The following KLHL38 variants were observed in gnomAD, a reference collection of about 807,000 sequenced individuals.
The protein encoded by KLHL38 is kelch like family member 38.
Under a neutral mutation model 39.6 loss-of-function variants are expected in KLHL38, and 38 were observed. The observed-to-expected ratio is 0.96, with a 90% CI of 0.74 to 1.26. The LOEUF (loss-of-function observed/expected upper bound fraction) is 1.26, where lower values mean the gene tolerates loss of function less well. KLHL38 is among the 50% of genes most tolerant of loss of function. The probability of loss-of-function intolerance (pLI) is 0.00; values close to 1 mark genes in which losing one functional copy is unlikely to be tolerated. For synonymous variants in KLHL38, 322 were observed against 302.2 expected, an observed-to-expected ratio of 1.07 and a Z score of -0.68; for missense variants, 803 against 748.1, an observed-to-expected ratio of 1.07 and a Z score of -0.86.
chr8:123,652,281 G>T lies in KLHL38; in HGVS notation c.646C>A (p.Gln216Lys). The T allele has an allele frequency of 6.2e-7, 1 of 1,614,060 alleles. No homozygotes were observed. Among genetic ancestry groups the T allele is most frequent in the Non-Finnish European group, 8.5e-7 (1 of 1,180,034 alleles). Residue 216 changes from glutamine (Q) to lysine (K), a missense_variant, in exon 2 of 4, where the codon CAG (glutamine) becomes AAG (lysine). Coordinates refer to ENST00000684634, the MANE Select transcript of KLHL38 (RefSeq NM_001081675.3). Reference sequence around the variant, plus strand: ...AGCCTGACCTGCTTGAACAGTTCCTGCATGTATCGCTTCCGGGCCTGGAGG... The same window carrying T: ...AGCCTGACCTGCTTGAACAGTTCCTTCATGTATCGCTTCCGGGCCTGGAGG... ...HDLQARKRYM[Q>K]ELFKQVRLQY...
intron 2 of KLHL38, among the ~76,000 whole-genome samples, chr8:123,647,662 T>G (rs1213082552): frequency 6.6e-6 from 1 of 152,226 alleles, no homozygotes; most frequent in African/African-American, 2.4e-5. Context: ...ATTAGTTCAT[T>G]ATGGGCAAAA....
At chr8:123,646,756 G>A (rs1818670610) in intron 3 of KLHL38, among the ~76,000 whole-genome samples, 153 bp downstream of exon 3, 2 of 152,204 alleles carry the variant, frequency 1.3e-5, no homozygotes, top group South Asian at 4.1e-4. Flanking sequence ...TGGATGAGGA[G>A]AGAGTTTTGT....
Position 123,645,724 on chromosome 8 carries a change from G to T in KLHL38, c.*15C>A. 1 of 1,611,232 alleles carries T rather than the reference G, an allele frequency of 6.2e-7. No homozygotes were observed. The highest frequency in any genetic ancestry group is 8.5e-7 in the Non-Finnish European group (1 of 1,177,776). Reference sequence around the variant, plus strand: ...AGAAGGCATTTTGACTAGGGCAGAAGGTTTCTTGTCGACCTCATGGGAGGC... The same window carrying T: ...AGAAGGCATTTTGACTAGGGCAGAATGTTTCTTGTCGACCTCATGGGAGGC... On this transcript the variant is annotated 3_prime_UTR_variant, in exon 4 of 4. Coordinates refer to ENST00000684634, the MANE Select transcript of KLHL38 (RefSeq NM_001081675.3).
chr8:123,652,998 T>A, intron 1 of KLHL38, 71 bp from the exon 2 acceptor site: 1 of 1,474,632 alleles, frequency 6.8e-7, no homozygotes, highest in East Asian at 2.3e-5. Flanking sequence ...TGCTGGAGGG[T>A]TCAGCTGTGG....
At position 123,645,887 on chromosome 8, in the gene KLHL38, G is replaced by T; in HGVS notation, c.1598C>A (p.Thr533Lys). 1.2e-6 allele frequency: 2 copies of T among 1,614,114 alleles called. No individual in the cohort carries two copies. The highest frequency in any genetic ancestry group is 1.7e-6 in the Non-Finnish European group (2 of 1,180,032). Residue 533 changes from threonine to lysine, a missense_variant, in exon 4 of 4, where the codon ACG becomes AAG. Thr to Lys is a moderately conservative substitution (Grantham distance 78). Coordinates refer to ENST00000684634, the MANE Select transcript of KLHL38 (RefSeq NM_001081675.3). ...GGCGGAGTCCTCAATGTTGCAGTCC[G>T]TGGTCAGCCGCCGCCCGCCCGTCAC... ...LYVTGGRRLT[T>K]DCNIEDSASF... is the part of the protein sequence containing the mutation.
rs569058686 is a variant in KLHL38, at chr8:123,645,101, G to A, written c.*638C>T. Among the ~76,000 whole-genome samples, 136 of 151,322 alleles carry A rather than the reference G, an allele frequency of 9.0e-4. No individual in the cohort carries two copies. The highest frequency in any genetic ancestry group is 2.2e-3 in the Admixed American group (33 of 15,222). Reference sequence around the variant, plus strand: ...GACAGAGAAGAGAGAGAAGCAGAGAGGGGGAGACAGACAGAGAGAGAGAAG... The same window carrying A: ...GACAGAGAAGAGAGAGAAGCAGAGAAGGGGAGACAGACAGAGAGAGAGAAG... On this transcript the variant is annotated 3_prime_UTR_variant, in exon 4 of 4. Transcript: ENST00000684634.
chr8:123,647,098 A>G, intron 2 of KLHL38, 84 bp from the exon 3 acceptor site: 1 of 750,940 alleles, frequency 1.3e-6, no homozygotes, highest in Non-Finnish European at 2.3e-6. Flanking sequence ...ACGAGGGTGA[A>G]CTAGGAGTGA....
intron 1 of KLHL38, among the ~76,000 whole-genome samples, 139 bp downstream of exon 1, chr8:123,653,447 T>C (rs1812695180): frequency 6.6e-6 from 1 of 152,248 alleles, no homozygotes; most frequent in Non-Finnish European, 1.5e-5. Context: ...GGACCTTTGA[T>C]GCATATATTT....
At position 123,646,052 on chromosome 8, in the gene KLHL38, C is replaced by A. The variant is rs375910477; in HGVS notation, c.1457-24G>T. The A allele has an allele frequency of 4.6e-5, 74 of 1,607,792 alleles. 2 individuals carry two copies. The Middle Eastern group carries it at 5.0e-4, about 11-fold the overall frequency. On this transcript the variant is annotated intron_variant, in intron 3 of 3. Coordinates refer to ENST00000684634, the MANE Select transcript of KLHL38 (RefSeq NM_001081675.3). ...ACCTGAAAACCAAATGACACATGGG[C>A]AAGCTCAGTGTTGCTCATCTGGGAC...
intron 2 of KLHL38, among the ~76,000 whole-genome samples, chr8:123,649,890 G>A (rs1812603829): frequency 6.6e-6 from 1 of 152,032 alleles, no homozygotes. Context: ...CGCTGCCCAG[G>A]GCCATGGGCT....
Position 123,651,565 on chromosome 8 carries a change from C to G in KLHL38, c.1350+12G>C. On this transcript the variant is annotated intron_variant, in intron 2 of 3. Coordinates refer to ENST00000684634, the MANE Select transcript of KLHL38 (RefSeq NM_001081675.3). ...TCATGCAGTTACGTGATGGGAAGAACCGGCCATTTACCTGGATAAGGCGCA... is the reference window on the plus strand; with the variant it reads ...TCATGCAGTTACGTGATGGGAAGAAGCGGCCATTTACCTGGATAAGGCGCA... 6.5e-7 allele frequency: 1 copy of G among 1,546,120 alleles called. No homozygotes were observed. The highest frequency in any genetic ancestry group is 8.7e-7 in the Non-Finnish European group (1 of 1,151,930).
At chr8:123,647,062 C>T (rs760146397) in intron 2 of KLHL38, 48 bp from the exon 3 acceptor site, 13 of 1,098,686 alleles carry the variant, frequency 1.2e-5, no homozygotes, top group Non-Finnish European at 1.7e-5. Context: ...GTGAAATATT[C>T]TTGAAAAAAG....
At position 123,652,625 on chromosome 8, in the gene KLHL38, G is replaced by A; in HGVS notation, c.302C>T (p.Thr101Ile). Residue 101 changes from threonine to isoleucine, a missense_variant, in exon 2 of 4, where the codon ACT (threonine) becomes ATT (isoleucine). Thr to Ile is a moderately conservative substitution (Grantham distance 89). Transcript: ENST00000684634. Reference sequence around the variant, plus strand: ...CTCCATCACGGGGAGGACATTGTCAGTGGCAATATGTGCCTCCCCCGTATA... The same window carrying A: ...CTCCATCACGGGGAGGACATTGTCAATGGCAATATGTGCCTCCCCCGTATA... ...YVYTGEAHIA[T>I]DNVLPVMEAA... 6.2e-7 allele frequency: 1 copy of A among 1,614,220 alleles called. No homozygotes were observed. Among genetic ancestry groups the A allele is most frequent in the Non-Finnish European group, 8.5e-7 (1 of 1,180,028 alleles).
rs865817009 is a variant in KLHL38 at position 123,645,481 on chromosome 8, C to G, written c.*258G>C. The G allele has an allele frequency of 4.6e-3, 1,930 of 415,780 alleles. 8 individuals carry two copies. In the African/African-American group the frequency reaches 0.05, roughly 11 times the overall value. 25.8% of individuals were successfully genotyped at this position (415,780 alleles called of 1,614,324 possible). On this transcript the variant is annotated 3_prime_UTR_variant, in exon 4 of 4. Coordinates refer to ENST00000684634, the MANE Select transcript of KLHL38 (RefSeq NM_001081675.3). Reference sequence around the variant, plus strand: ...AGAGAGAGAGAGAGAGAGAGAGAGACAGACAGAGATAGGGGAGAGAAAGAA... The same window carrying G: ...AGAGAGAGAGAGAGAGAGAGAGAGAGAGACAGAGATAGGGGAGAGAAAGAA...
chr8:123,645,856 G>A lies in KLHL38; in HGVS notation c.1629C>T (p.Phe543=), dbSNP rs372303225. The change falls in exon 4 of 4, where the codon TTC becomes TTT. Residue 543 remains phenylalanine (F), a synonymous_variant. Coordinates refer to ENST00000684634, the MANE Select transcript of KLHL38 (RefSeq NM_001081675.3). ...TDCNIEDSAS[F]DCYDPETDTW... ...TGTCCGTCTCGGGGTCGTAGCAATC[G>A]AAGGAGGCGGAGTCCTCAATGTTGC... 91 of 1,613,896 alleles carry A rather than the reference G, an allele frequency of 5.6e-5. 2 individuals are homozygous for A. The highest frequency in any genetic ancestry group is 2.7e-4 in the East Asian group (12 of 44,882).
chr8:123,652,483 G>A lies in KLHL38; in HGVS notation c.444C>T (p.Cys148=), dbSNP rs377218767. The part of the protein sequence containing the change: ...GMIRLSEILS[C]ETLKKKAREV... ...CCCTGGCTTTCTTCTTGAGGGTCTC[G>A]CAGCTTAAGATTTCTGAGAGTCTGA... Residue 148 remains cysteine (C), a synonymous_variant, in exon 2 of 4, where the codon TGC becomes TGT. Transcript: ENST00000684634. 3.5e-5 allele frequency: 56 copies of A among 1,614,062 alleles called. No individual in the cohort carries two copies. Among genetic ancestry groups the A allele is most frequent in the Admixed American group, 2.8e-4 (17 of 60,010 alleles).
Position 123,645,029 on chromosome 8 carries a change from G to A in KLHL38, c.*710C>T, listed in dbSNP as rs375088938. On this transcript the variant is annotated 3_prime_UTR_variant, in exon 4 of 4. Coordinates refer to ENST00000684634, the MANE Select transcript of KLHL38 (RefSeq NM_001081675.3). Reference sequence around the variant, plus strand: ...GGGATGAGAGAGAGGAAGACAGAGGGGAGACTGAGAGAGAGAGAGAGAGAG... The same window carrying A: ...GGGATGAGAGAGAGGAAGACAGAGGAGAGACTGAGAGAGAGAGAGAGAGAG... Among the ~76,000 whole-genome samples the A allele has an allele frequency of 0.093, 5,595 of 59,878 alleles. 161 individuals carry two copies. Among genetic ancestry groups the A allele is most frequent in the Non-Finnish European group, 0.12 (3,926 of 32,362 alleles). The allele number at this position is 59,878 out of a possible 152,430, so 39.3% of individuals were successfully genotyped here. A position where few individuals can be genotyped will look rare whatever the true frequency, so the allele number is the denominator to read the frequency against.
chr8:123,645,477 G>GAGAGACAC lies in KLHL38; in HGVS notation c.*261_*262insGTGTCTCT, dbSNP rs763692107. On this transcript the variant is annotated 3_prime_UTR_variant, in exon 4 of 4. Transcript: ENST00000684634. Reference sequence around the variant, plus strand: ...AGAGAGAGAGAGAGAGAGAGAGAGAGAGACAGACAGAGATAGGGGAGAGAA... The same window carrying GAGAGACAC: ...AGAGAGAGAGAGAGAGAGAGAGAGAGAGAGACACAGACAGACAGAGATAGGGGAGAGAA... The GAGAGACAC allele has an allele frequency of 4.3e-6, 2 of 462,948 alleles. No homozygotes were observed. Among genetic ancestry groups the GAGAGACAC allele is most frequent in the African/African-American group, 4.7e-5 (2 of 42,798 alleles). The allele number at this position is 462,948 out of a possible 1,614,324, so 28.7% of individuals were successfully genotyped here.
rs1442881676 is a variant in KLHL38 at position 123,645,352 on chromosome 8, G to A, written c.*387C>T. Among the ~76,000 whole-genome samples the A allele has an allele frequency of 2.6e-5, 4 of 151,872 alleles. No individual in the cohort carries two copies. Among genetic ancestry groups the A allele is most frequent in the Admixed American group, 6.6e-5 (1 of 15,252 alleles). ...CTCAGGAGGCTGAGGCGTGAGAATCGCTTGAACCTGGGAGGTGGGGGTTTC... is the reference window on the plus strand; with the variant it reads ...CTCAGGAGGCTGAGGCGTGAGAATCACTTGAACCTGGGAGGTGGGGGTTTC... On this transcript the variant is annotated 3_prime_UTR_variant, in exon 4 of 4. Transcript: ENST00000684634.
Sources: allele counts gnomAD v4.1 joint callset (sites outside exome capture counted in the v4.1 genomes callset), GRCh38; gene constraint gnomAD v4.1.1; transcripts MANE v1.5; gene names NCBI Gene and HGNC (gene_info 2026-07-23, HGNC 2026-07-21).